The following TLCD3B variants were observed in gnomAD, a reference collection of about 807,000 sequenced individuals.
TLCD3B encodes TLC domain containing 3B.
Under a neutral mutation model 23.0 loss-of-function variants are expected in TLCD3B, and 9 were observed. The observed-to-expected ratio is 0.39, with a 90% CI of 0.24 to 0.68. TLCD3B has a LOEUF of 0.68. Among genes scored for constraint, TLCD3B ranks in the 30% least tolerant of loss-of-function variants. The probability of loss-of-function intolerance (pLI) is 0.44; values close to 1 mark genes in which losing one functional copy is unlikely to be tolerated. For synonymous variants in TLCD3B, 161 were observed against 161.0 expected (o/e 1.00, Z 0.00); for missense variants, 307 against 371.8 (o/e 0.83, Z 1.43).
At chr16:30,047,135 A>ATCTGTCTGTCTG (rs58041815) in intron 1 of TLCD3B, among the ~76,000 whole-genome samples, 1 of 150,608 alleles carries the variant, frequency 6.6e-6, no homozygotes, top group Middle Eastern at 3.4e-3. Flanking sequence ...CTGTTGTGTC[A>ATCTGTCTGTCTG]TCTGTCTGTC....
intron 3 of TLCD3B, among the ~76,000 whole-genome samples, chr16:30,040,832 G>T (rs1279553161): frequency 6.6e-6 from 1 of 150,648 alleles, no homozygotes; most frequent in East Asian, 1.9e-4. Context: ...ATCTGGGGAG[G>T]TTTTTTTTTC....
intron 1 of TLCD3B, 130 bp downstream of exon 1, chr16:30,030,273 G>T: frequency 8.6e-7 from 1 of 1,164,906 alleles, no homozygotes; most frequent in Non-Finnish European, 1.2e-6. Context: ...AAGCCTGGGG[G>T]TAAAGCCCCG....
upstream of TLCD3B, chr16:30,036,089 T>G (rs1260908984): frequency 1.6e-6 from 2 of 1,221,036 alleles, no homozygotes; most frequent in African/African-American, 3.2e-5. Context: ...TCCACCATTT[T>G]CCATCTTCTG....
upstream of TLCD3B, among the ~76,000 whole-genome samples, chr16:30,031,756 G>A (rs554618270): frequency 6.6e-6 from 1 of 152,340 alleles, no homozygotes; most frequent in Non-Finnish European, 1.5e-5. Context: ...CTGCAGGGCT[G>A]CCCATGTCCT....
In TLCD3B at chr16:30,025,363, G is replaced by A. The variant is rs548429317; in HGVS notation, c.645C>T (p.Tyr215=). 2.9e-5 allele frequency: 47 copies of A among 1,601,958 alleles called. No homozygotes were observed. Among genetic ancestry groups the A allele is most frequent in the East Asian group, 6.8e-5 (3 of 44,160 alleles). ...GCAGGGGCAGGCCGGCATGGCGCCC[G>A]TAGGCCCAGTACAGGTAGGGAAAGA... ...VLLFPYLYWA[Y]GRHAGLPLLA... Residue 215 remains tyrosine, a synonymous_variant, in exon 5 of 5, where the codon TAC becomes TAT. Transcript: ENST00000380495. The surrounding 1 kb of genome is among the most constrained non-coding windows in gnomAD (Gnocchi z 4.1).
chr16:30,042,014 T>G (rs1483577108), intron 2 of TLCD3B, among the ~76,000 whole-genome samples: 1 of 152,196 alleles, frequency 6.6e-6, no homozygotes, highest in Non-Finnish European at 1.5e-5. Context: ...CTTTCATTAT[T>G]GTTCCCCTAA....
intron 1 of TLCD3B, among the ~76,000 whole-genome samples, chr16:30,051,453 G>A (rs1278427218): frequency 1.3e-5 from 2 of 150,594 alleles, no homozygotes; most frequent in Admixed American, 6.6e-5. Flanking sequence ...AATCCAGGGC[G>A]GAGGTTGCAG....
rs2071084453 is a variant in TLCD3B, at chr16:30,025,522, G to A, written c.541-55C>T. On this transcript the variant is annotated intron_variant, in intron 4 of 4. Coordinates refer to ENST00000380495, the MANE Select transcript of TLCD3B (RefSeq NM_031478.6). The surrounding 1 kb of genome is among the most constrained non-coding windows in gnomAD (Gnocchi z 4.1). The stretch of plus-strand genomic sequence containing the variant: ...CAGCAGAAGGGCTCGGCCCCCCTTG[G>A]CCCTCTCCCTGCCTCCCTGCGACCC... The A allele has an allele frequency of 2.5e-6, 4 of 1,600,178 alleles. No homozygotes were observed. The highest frequency in any genetic ancestry group is 3.4e-6 in the Non-Finnish European group (4 of 1,172,598).
chr16:30,036,009 C>G (rs1332752126), upstream of TLCD3B: 4 of 707,708 alleles, frequency 5.7e-6, no homozygotes. Context: ...GTGATCTGCC[C>G]GCTTCGGCCT....
intron 2 of TLCD3B, among the ~76,000 whole-genome samples, chr16:30,045,860 G>A (rs1028542004): frequency 1.3e-5 from 2 of 151,982 alleles, no homozygotes; most frequent in Non-Finnish European, 2.9e-5. Flanking sequence ...GCAGAGGAAG[G>A]GAGACACACC....
At chr16:30,026,107 C>T (rs949312312) in intron 3 of TLCD3B, among the ~76,000 whole-genome samples, 1 of 152,102 alleles carries the variant, frequency 6.6e-6, no homozygotes, top group Non-Finnish European at 1.5e-5. Context: ...TGTTGGTGGG[C>T]ACCTGTAATC....
At position 30,039,101 on chromosome 16, in the gene TLCD3B, C is replaced by CTAATTT. The variant is rs10623783; in HGVS notation, c.-67+1893_-67+1894insAAATTA. On this transcript the variant is annotated intron_variant, in intron 3 of 6. Transcript: ENST00000561666. ...ACTTATCCTTCTCCTCCTCCTTCCT[C>CTAATTT]TCTTTTTTTTTTTTTTTTTTTTTTT... is the stretch of plus-strand genomic sequence containing the variant. Among the ~76,000 whole-genome samples the CTAATTT allele has an allele frequency of 4.7e-4, 57 of 120,818 alleles. 15 individuals carry two copies. Among genetic ancestry groups the CTAATTT allele is most frequent in the Admixed American group, 5.4e-4 (6 of 11,066 alleles). The allele number at this position is 120,818 out of a possible 152,430, so 79.3% of individuals were successfully genotyped here.
At chr16:30,044,945 T>C (rs2071636277) in intron 2 of TLCD3B, among the ~76,000 whole-genome samples, 2 of 151,398 alleles carry the variant, frequency 1.3e-5, no homozygotes. Flanking sequence ...ATATAAAAAT[T>C]AGCCGGGCGT....
chr16:30,052,570 G>C (rs977937894), intron 1 of TLCD3B, among the ~76,000 whole-genome samples: 64 of 151,622 alleles, frequency 4.2e-4, no homozygotes, highest in Non-Finnish European at 1.2e-4. Flanking sequence ...GGTAGTGCGC[G>C]CCTGTAATCC....
At chr16:30,030,338 G>T in intron 1 of TLCD3B, 65 bp downstream of exon 1, 1 of 1,452,956 alleles carries the variant, frequency 6.9e-7, no homozygotes. Context: ...GAAGTGCCAG[G>T]TCCCTTCCAT....
chr16:30,041,220 T>C (rs1417944964), intron 2 of TLCD3B: 2 of 152,202 alleles, frequency 1.3e-5, no homozygotes, highest in Non-Finnish European at 2.9e-5. Context: ...ATTTTTTTAA[T>C]AGTGACCCAC....
intron 1 of TLCD3B, among the ~76,000 whole-genome samples, chr16:30,050,970 G>A (rs1475085299): frequency 6.6e-6 from 1 of 152,042 alleles, no homozygotes; most frequent in African/African-American, 2.4e-5. Context: ...GCAAGTGTCT[G>A]TGTGTGTGTG....
In TLCD3B at chr16:30,052,407, AAG is replaced by A. The variant is rs200556590; in HGVS notation, c.-294+365_-294+366del. Among the ~76,000 whole-genome samples the A allele has an allele frequency of 3.3e-3, 494 of 151,638 alleles. 3 individuals are homozygous for A. Among genetic ancestry groups the A allele is most frequent in the African/African-American group, 0.011 (434 of 41,314 alleles). On this transcript the variant is annotated intron_variant, in intron 1 of 6. Coordinates refer to the TLCD3B transcript ENST00000561666. ...TCAATTAATAAATAAATCAGTAAAA[AAG>A]AACCGGGCCCGGCGCGGTGGCTCAC...
At chr16:30,035,615 A>T, upstream of TLCD3B, 2 of 726,840 alleles carry the variant, frequency 2.8e-6, no homozygotes, top group Non-Finnish European at 3.8e-6. Context: ...ATTGAAAGCC[A>T]CCAGGCAAAC....
Sources: gnomAD v4.1 joint callset for allele counts (sites outside exome capture counted in the v4.1 genomes callset) on GRCh38, gnomAD v4.1.1 for gene constraint, Gnocchi (gnomAD v3.1) non-coding constraint, MANE v1.5 for transcripts, NCBI Gene and HGNC (gene_info 2026-07-23, HGNC 2026-07-21) for gene names.